TXNDC9: variants seen among roughly 807,000 people sequenced by gnomAD.
TXNDC9 encodes the protein thioredoxin domain containing 9.
Under a neutral mutation model 23.0 loss-of-function variants are expected in TXNDC9, and 7 were observed. That is an observed-to-expected ratio of 0.30 (90% confidence interval 0.17 to 0.57). The LOEUF is 0.57. Among genes scored for constraint, TXNDC9 ranks in the 20% least tolerant of loss-of-function variants. TXNDC9 has a pLI of 0.90. For missense variants in TXNDC9, 198 were observed against 252.6 expected, an observed-to-expected ratio of 0.78 and a Z score of 1.47; for synonymous variants, 72 against 90.6, an observed-to-expected ratio of 0.79 and a Z score of 1.17.
downstream of TXNDC9, among the ~76,000 whole-genome samples, chr2:99,314,311 C>T (rs1467968650): frequency 6.6e-6 from 1 of 152,080 alleles, no homozygotes; most frequent in Non-Finnish European, 1.5e-5. Flanking sequence ...TCTGTGGATT[C>T]AACCAACAGC....
chr2:99,323,824 G>A (rs2094207722), intron 3 of TXNDC9, among the ~76,000 whole-genome samples: 1 of 152,082 alleles, frequency 6.6e-6, no homozygotes, highest in African/African-American at 2.4e-5. Context: ...CTTAACCCCA[G>A]GTGTTCATTA....
chr2:99,318,654 T>G (rs2105317610), downstream of TXNDC9, among the ~76,000 whole-genome samples: 2 of 152,252 alleles, frequency 1.3e-5, no homozygotes, highest in Admixed American at 1.3e-4. Context: ...GAACCTTCAC[T>G]CTACGTACGA....
At chr2:99,308,577 A>G in the TXNDC9 span, among the ~76,000 whole-genome samples, 1 of 149,940 alleles carries the variant, frequency 6.7e-6, no homozygotes, top group Non-Finnish European at 1.5e-5. Flanking sequence ...CTGTACATGC[A>G]TGTGTGTGTG....
At chr2:99,333,346 T>G (rs755007770) in intron 1 of TXNDC9, 104 bp from the exon 2 acceptor site, 2 of 894,178 alleles carry the variant, frequency 2.2e-6, no homozygotes, top group Non-Finnish European at 3.3e-6. Context: ...GTGTACTCTA[T>G]GGAGTATTCT....
rs2094211815 is a variant in TXNDC9 at position 99,325,857 on chromosome 2, A to C, written c.308+1678T>G. ...GAAACCCTGTCTCTACTAAAAAGAC[A>C]AAAGTTAGCCGGGTGTAGTGGTGGG... On this transcript the variant is annotated intron_variant, in intron 3 of 4. Transcript: ENST00000264255. Among the ~76,000 whole-genome samples, 4 of 152,232 alleles carry C rather than the reference A, an allele frequency of 2.6e-5. No homozygotes were observed. The South Asian group carries it at 8.3e-4, about 32-fold the overall frequency.
At chr2:99,313,484 CATCTTGTGCT>C in the TXNDC9 span, among the ~76,000 whole-genome samples, 2 of 152,132 alleles carry the variant, frequency 1.3e-5, 1 homozygote, top group Admixed American at 1.3e-4. Flanking sequence ...TAATCAAGAC[CATCTTGTGCT>C]GGGTGCAGTG....
chr2:99,307,034 C>CTT, the TXNDC9 span, among the ~76,000 whole-genome samples: 3 of 105,620 alleles, frequency 2.8e-5, no homozygotes, highest in South Asian at 3.5e-4. Flanking sequence ...TTCCTTCTTC[C>CTT]TTTTCTTTCT....
At chr2:99,336,201 C>A in intron 1 of TXNDC9, 38 bp downstream of exon 1, 1 of 985,232 alleles carries the variant, frequency 1.0e-6, no homozygotes, top group Non-Finnish European at 1.2e-6. Flanking sequence ...AGCACCCGGA[C>A]GTGGTGGTCG....
At chr2:99,315,888 G>C (rs900797538), downstream of TXNDC9, among the ~76,000 whole-genome samples, 3 of 152,142 alleles carry the variant, frequency 2.0e-5, no homozygotes, top group South Asian at 4.2e-4. Context: ...TTTGATATCC[G>C]AGTGAGTACT....
At chr2:99,325,180 T>A (rs796270101) in intron 3 of TXNDC9, among the ~76,000 whole-genome samples, 13 of 152,378 alleles carry the variant, frequency 8.5e-5, no homozygotes, top group African/African-American at 3.1e-4. Flanking sequence ...AGGTGATGGA[T>A]ATTCCATTTA....
intron 4 of TXNDC9, chr2:99,321,009 G>A (rs1326865545): frequency 2.0e-5 from 3 of 151,992 alleles, no homozygotes; most frequent in Non-Finnish European, 2.9e-5. Flanking sequence ...CTCAAAGTCT[G>A]TAATCTTCTG....
At chr2:99,335,545 T>C (rs1335965818) in intron 1 of TXNDC9, among the ~76,000 whole-genome samples, 9 of 130,322 alleles carry the variant, frequency 6.9e-5, no homozygotes, top group Admixed American at 2.2e-4. Context: ...GGTGCTGTAT[T>C]TCAAACACAG....
At chr2:99,320,232 T>C (rs2094198342) in intron 4 of TXNDC9, among the ~76,000 whole-genome samples, 1 of 152,212 alleles carries the variant, frequency 6.6e-6, no homozygotes, top group Non-Finnish European at 1.5e-5. Context: ...TGTCTTGAAC[T>C]CTTAGGCTCA....
chr2:99,310,473 G>A, the TXNDC9 span, among the ~76,000 whole-genome samples: 67 of 152,222 alleles, frequency 4.4e-4, 1 homozygote, highest in East Asian at 9.1e-3. Context: ...TGGCCAGAGC[G>A]GTGGTTTTCA....
intron 2 of TXNDC9, among the ~76,000 whole-genome samples, chr2:99,332,228 A>C (rs2094227535): frequency 6.6e-6 from 1 of 152,180 alleles, no homozygotes; most frequent in Non-Finnish European, 1.5e-5. Context: ...GGATCACTTG[A>C]GGTCAGAAGT....
chr2:99,310,552 T>C, the TXNDC9 span, among the ~76,000 whole-genome samples: 33 of 152,250 alleles, frequency 2.2e-4, no homozygotes, highest in Non-Finnish European at 4.4e-4. Flanking sequence ...CCTATGTACA[T>C]GTTAAGTTAC....
downstream of TXNDC9, among the ~76,000 whole-genome samples, chr2:99,314,183 C>G (rs910984781): frequency 4.6e-5 from 7 of 152,014 alleles, no homozygotes; most frequent in Admixed American, 2.6e-4. Flanking sequence ...TCCTTTGCAG[C>G]CTTTAAAACT....
At position 99,333,286 on chromosome 2, in the gene TXNDC9, A is replaced by G. The variant is rs1300885572; in HGVS notation, c.-32-44T>C. 9.5e-6 allele frequency: 14 copies of G among 1,480,392 alleles called. No homozygotes were observed. In the Admixed American group the frequency reaches 2.2e-4, roughly 23 times the overall value. The allele number at this position is 1,480,392 out of a possible 1,614,324, so 91.7% of individuals were successfully genotyped here. A position where few individuals can be genotyped will look rare whatever the true frequency, so the allele number is the denominator to read the frequency against. On this transcript the variant is annotated intron_variant, in intron 1 of 4. Transcript: ENST00000264255. The stretch of plus-strand genomic sequence containing the variant: ...AAATACATTTTAAAAAATGCAAACA[A>G]TAAGCAAGGTTTTCTCTACCATTTT...
intron 2 of TXNDC9, among the ~76,000 whole-genome samples, chr2:99,329,791 A>G (rs908043218): frequency 1.3e-5 from 2 of 151,566 alleles, no homozygotes; most frequent in African/African-American, 4.9e-5. Flanking sequence ...AACACGGCGA[A>G]ACCCTGTCTC....
Sources: allele counts gnomAD v4.1 joint callset (sites outside exome capture counted in the v4.1 genomes callset), GRCh38; gene constraint gnomAD v4.1.1; transcripts MANE v1.5; gene names NCBI Gene and HGNC (gene_info 2026-07-23, HGNC 2026-07-21).